CNTN5: variants seen among roughly 807,000 people sequenced by gnomAD.
CNTN5 encodes the protein contactin-5.
A neutral mutation model predicts 129.1 loss-of-function variants in CNTN5; 77 were observed. That is an observed-to-expected ratio of 0.60 (90% CI 0.50 to 0.72). CNTN5 has a LOEUF of 0.72. CNTN5 is among the 30% of genes least tolerant of loss of function. CNTN5 has a pLI of 0.00. For missense variants in CNTN5, 1,478 were observed against 1,328.8 expected (o/e 1.11, Z -1.75); for synonymous variants, 509 against 465.6 (o/e 1.09, Z -1.20).
intron 3 of CNTN5, among the ~76,000 whole-genome samples, chr11:99,740,362 G>T (rs1292309236): frequency 1.3e-5 from 2 of 152,148 alleles, no homozygotes; most frequent in Admixed American, 6.6e-5. Context: ...ATTGTCATGG[G>T]TGCATGGTAA....
intron 16 of CNTN5, among the ~76,000 whole-genome samples, chr11:100,229,328 GATA>G (rs1949445144): frequency 6.6e-6 from 1 of 152,160 alleles, no homozygotes; most frequent in Non-Finnish European, 1.5e-5. Context: ...TCATAAGATA[GATA>G]ATGTTACCAA....
At chr11:99,193,442 T>C (rs1035575535) in intron 1 of CNTN5, among the ~76,000 whole-genome samples, 2 of 152,170 alleles carry the variant, frequency 1.3e-5, no homozygotes, top group African/African-American at 4.8e-5. Flanking sequence ...CCTGGCCTTA[T>C]GTGCAGCAGA....
intron 2 of CNTN5, among the ~76,000 whole-genome samples, chr11:99,552,501 CAG>C (rs1948526484): frequency 6.6e-6 from 1 of 152,012 alleles, no homozygotes; most frequent in Non-Finnish European, 1.5e-5. Context: ...AAATCAGTGA[CAG>C]AGCTGACAGG....
chr11:99,942,206 G>A (rs943300051), intron 7 of CNTN5, among the ~76,000 whole-genome samples: 1 of 152,006 alleles, frequency 6.6e-6, no homozygotes, highest in Non-Finnish European at 1.5e-5. Flanking sequence ...TGCACAGTAA[G>A]TGTATGACAG....
At chr11:100,064,697 G>T (rs1401536838) in intron 10 of CNTN5, among the ~76,000 whole-genome samples, 3 of 152,040 alleles carry the variant, frequency 2.0e-5, no homozygotes, top group African/African-American at 7.2e-5. Flanking sequence ...TGATGAAAAA[G>T]ACCTGGTTTT....
intron 3 of CNTN5, among the ~76,000 whole-genome samples, chr11:99,784,438 G>A (rs1200757359): frequency 6.6e-6 from 1 of 151,980 alleles, no homozygotes; most frequent in Non-Finnish European, 1.5e-5. Context: ...TGAGAATGAT[G>A]GTTTCCATCT....
At chr11:100,039,664 G>T (rs1351789491) in intron 9 of CNTN5, among the ~76,000 whole-genome samples, 1 of 152,018 alleles carries the variant, frequency 6.6e-6, no homozygotes, top group African/African-American at 2.4e-5. Context: ...GGCTTTGTTT[G>T]TTTCTTTTTG....
chr11:99,688,998 T>C (rs541198558), intron 3 of CNTN5, among the ~76,000 whole-genome samples: 78 of 152,298 alleles, frequency 5.1e-4, no homozygotes, highest in African/African-American at 1.8e-3. Context: ...TTCTTTATCC[T>C]GTCTGTCATT....
At chr11:99,486,055 CAG>C (rs1239183013) in intron 2 of CNTN5, among the ~76,000 whole-genome samples, 1 of 151,924 alleles carries the variant, frequency 6.6e-6, no homozygotes, top group Non-Finnish European at 1.5e-5. Context: ...TTCTCTTTCC[CAG>C]AGAGTTTATT....
At chr11:99,584,899 G>A (rs551462473) in intron 3 of CNTN5, among the ~76,000 whole-genome samples, 1 of 152,328 alleles carries the variant, frequency 6.6e-6, no homozygotes, top group East Asian at 1.9e-4. Flanking sequence ...AAAGTGAACT[G>A]AGTAGGCCTG....
intron 1 of CNTN5, among the ~76,000 whole-genome samples, chr11:99,022,628 T>G (rs1053707821): frequency 1.3e-5 from 2 of 151,798 alleles, no homozygotes; most frequent in African/African-American, 2.4e-5. Context: ...ATAAAACTAA[T>G]GATAACAAAT....
In CNTN5 at chr11:100,287,169, T is replaced by C. The variant is rs536950171; in HGVS notation, c.2315-10456T>C. Among the ~76,000 whole-genome samples, 993 of 152,282 alleles carry C rather than the reference T, an allele frequency of 6.5e-3. 15 individuals are homozygous for C. Among genetic ancestry groups the C allele is most frequent in the African/African-American group, 0.022 (927 of 41,546 alleles). ...AAGTGTTGGGGAGAATGGAACCAAG[T>C]TGGAAAACACTCTGCAGAATATTAT... On this transcript the variant is annotated intron_variant, in intron 18 of 24. Transcript: ENST00000524871.
chr11:100,329,721 C>T (rs923602236), intron 21 of CNTN5, among the ~76,000 whole-genome samples: 5 of 152,142 alleles, frequency 3.3e-5, no homozygotes, highest in African/African-American at 1.2e-4. Flanking sequence ...CCCAGAAGAG[C>T]AAAAACAATA....
At chr11:99,477,280 T>C (rs1945407228) in intron 2 of CNTN5, among the ~76,000 whole-genome samples, 1 of 151,992 alleles carries the variant, frequency 6.6e-6, no homozygotes, top group Admixed American at 6.6e-5. Context: ...TAAGATGCAG[T>C]TCTCTGCATT....
intron 17 of CNTN5, among the ~76,000 whole-genome samples, chr11:100,267,871 A>G (rs1329979628): frequency 1.3e-5 from 2 of 152,156 alleles, no homozygotes; most frequent in Non-Finnish European, 2.9e-5. Flanking sequence ...CTATTTAGGA[A>G]GCTGTTATTA....
At chr11:99,085,123 C>T (rs1391384903) in intron 1 of CNTN5, among the ~76,000 whole-genome samples, 3 of 151,860 alleles carry the variant, frequency 2.0e-5, no homozygotes, top group East Asian at 1.9e-4. Flanking sequence ...CTGCTCACTG[C>T]AACCTCTGCC....
chr11:99,989,767 C>A (rs1354239349), intron 8 of CNTN5, among the ~76,000 whole-genome samples: 3 of 151,928 alleles, frequency 2.0e-5, no homozygotes, highest in African/African-American at 7.2e-5. Flanking sequence ...TTTGCTCTAT[C>A]TTTTTTTGTG....
At chr11:99,525,821 A>G (rs574024108) in intron 2 of CNTN5, among the ~76,000 whole-genome samples, 2 of 152,296 alleles carry the variant, frequency 1.3e-5, no homozygotes, top group Non-Finnish European at 2.9e-5. Flanking sequence ...TTGTTCAGAT[A>G]GTTTTATTAT....
chr11:99,542,078 T>G (rs1436296437), intron 2 of CNTN5, among the ~76,000 whole-genome samples: 2 of 152,126 alleles, frequency 1.3e-5, no homozygotes, highest in East Asian at 1.9e-4. Context: ...TTGTACGTAT[T>G]TATGGGATAT....
Sources: allele counts gnomAD v4.1 joint callset (sites outside exome capture counted in the v4.1 genomes callset), GRCh38; gene constraint gnomAD v4.1.1; transcripts MANE v1.5; gene names NCBI Gene and HGNC (gene_info 2026-07-23, HGNC 2026-07-21).